The following ME3 variants were observed in gnomAD, a reference collection of about 807,000 sequenced individuals.
ME3 encodes NADP-dependent malic enzyme, mitochondrial.
Under a neutral mutation model 68.9 loss-of-function variants are expected in ME3, and 48 were observed. That is an observed-to-expected ratio of 0.70 (90% CI 0.55 to 0.89). The LOEUF (loss-of-function observed/expected upper bound fraction) is 0.89. Ranked by LOEUF, ME3 falls within the 40% of genes least tolerant of loss-of-function variation. The pLI is 0.00. For missense variants in ME3, 675 were observed against 797.4 expected (o/e 0.85, Z 1.85); for synonymous variants, 320 against 318.8 (o/e 1.00, Z -0.04).
intron 6 of ME3, among the ~76,000 whole-genome samples, chr11:86,491,718 G>A (rs1459524384): frequency 3.9e-5 from 6 of 152,190 alleles, no homozygotes; most frequent in Admixed American, 1.3e-4. Flanking sequence ...TTCTTCATAG[G>A]TGTTTAGAGG....
chr11:86,633,705 A>G (rs965505086), intron 2 of ME3, among the ~76,000 whole-genome samples: 2 of 152,208 alleles, frequency 1.3e-5, no homozygotes, highest in South Asian at 4.1e-4. Flanking sequence ...AGGGCAACAG[A>G]GGACCGTGCT....
chr11:86,528,315 G>A (rs1954925020), intron 4 of ME3, among the ~76,000 whole-genome samples: 1 of 152,130 alleles, frequency 6.6e-6, no homozygotes, highest in African/African-American at 2.4e-5. Flanking sequence ...ACTATCCTAA[G>A]TATATATGCA....
At chr11:86,612,342 T>C (rs1185646642) in intron 2 of ME3, among the ~76,000 whole-genome samples, 2 of 152,238 alleles carry the variant, frequency 1.3e-5, no homozygotes, top group Non-Finnish European at 2.9e-5. Context: ...TTCTATGTCT[T>C]TGCTATTGTA....
At chr11:86,668,822 G>T (rs945355888) in intron 2 of ME3, among the ~76,000 whole-genome samples, 1 of 152,102 alleles carries the variant, frequency 6.6e-6, no homozygotes, top group East Asian at 1.9e-4. Context: ...CACATTCCAA[G>T]AATTTAATGT....
At chr11:86,651,235 G>C (rs11518770) in intron 2 of ME3, among the ~76,000 whole-genome samples, 67,343 of 152,094 alleles carry the variant, frequency 0.44, 16,790 homozygotes, top group Non-Finnish European at 0.57. Flanking sequence ...CTGACAGCTT[G>C]GAAGACAGTA....
At chr11:86,447,582 A>G (rs1414729389) in intron 11 of ME3, among the ~76,000 whole-genome samples, 1 of 152,108 alleles carries the variant, frequency 6.6e-6, no homozygotes, top group African/African-American at 2.4e-5. Flanking sequence ...GTGGTGGCTC[A>G]TGCCTGCAAT....
At chr11:86,484,874 T>C (rs540775337) in intron 7 of ME3, among the ~76,000 whole-genome samples, 2 of 152,334 alleles carry the variant, frequency 1.3e-5, no homozygotes, top group Admixed American at 6.5e-5. Flanking sequence ...TCTCTGAGTC[T>C]CAGTTTTCTC....
At chr11:86,658,205 C>T (rs945981320) in intron 2 of ME3, among the ~76,000 whole-genome samples, 3 of 151,642 alleles carry the variant, frequency 2.0e-5, no homozygotes, top group African/African-American at 7.3e-5. Flanking sequence ...CGTACTGCAA[C>T]CTCCACCTCC....
rs971631573 is a variant in ME3, at chr11:86,637,178, G to A, written c.183+34584C>T. Among the ~76,000 whole-genome samples, 4 of 151,920 alleles carry A rather than the reference G, an allele frequency of 2.6e-5. No individual in the cohort carries two copies. In the East Asian group the frequency reaches 7.7e-4, roughly 29 times the overall value. ...TAATATCTATACACGTACATTCAGG[G>A]AGTCTCCATTAACTCATTCAGTTAA... is the stretch of plus-strand genomic sequence containing the variant. On this transcript the variant is annotated intron_variant, in intron 2 of 14. Transcript: ENST00000543262.
chr11:86,468,676 G>T (rs75762880), intron 7 of ME3, among the ~76,000 whole-genome samples: 4,160 of 152,210 alleles, frequency 0.027, 71 homozygotes, highest in Middle Eastern at 0.034. Context: ...ATAAAAAAAT[G>T]TTTCTCAATT....
intron 4 of ME3, among the ~76,000 whole-genome samples, chr11:86,511,869 G>C (rs1249932926): frequency 6.6e-6 from 1 of 151,998 alleles, no homozygotes; most frequent in Non-Finnish European, 1.5e-5. Flanking sequence ...CTGGCAACCA[G>C]CTGACCCCAC....
chr11:86,439,386 T>G (rs1159729196), downstream of ME3, among the ~76,000 whole-genome samples: 1 of 152,254 alleles, frequency 6.6e-6, no homozygotes, highest in Non-Finnish European at 1.5e-5. Context: ...AAATGTACTG[T>G]TTTCCAATAT....
intron 4 of ME3, among the ~76,000 whole-genome samples, chr11:86,547,179 A>G (rs1361367635): frequency 7.0e-6 from 1 of 141,906 alleles, no homozygotes; most frequent in Non-Finnish European, 1.5e-5. Flanking sequence ...CAGAGCTTGC[A>G]GTGAACCCAG....
intron 2 of ME3, among the ~76,000 whole-genome samples, chr11:86,653,617 G>C (rs1945634756): frequency 6.6e-6 from 1 of 152,202 alleles, no homozygotes; most frequent in Non-Finnish European, 1.5e-5. Context: ...GAAATTTATA[G>C]CACTAAATGC....
At chr11:86,444,152 T>C (rs1264898723) in intron 13 of ME3, among the ~76,000 whole-genome samples, 1 of 152,096 alleles carries the variant, frequency 6.6e-6, no homozygotes, top group Non-Finnish European at 1.5e-5. Flanking sequence ...CTGTCTACCA[T>C]GTATAGGAAA....
At chr11:86,648,830 A>G (rs1052419552) in intron 2 of ME3, among the ~76,000 whole-genome samples, 3 of 152,120 alleles carry the variant, frequency 2.0e-5, no homozygotes, top group Non-Finnish European at 4.4e-5. Flanking sequence ...AGTAATTAAT[A>G]GCCTACCAAC....
intron 8 of ME3, among the ~76,000 whole-genome samples, chr11:86,459,578 G>C (rs1594042932): frequency 6.6e-6 from 1 of 151,652 alleles, no homozygotes; most frequent in South Asian, 2.1e-4. Flanking sequence ...ACAGATGCTG[G>C]CCTTATAAAA....
chr11:86,565,765 G>T (rs200336765), intron 2 of ME3, among the ~76,000 whole-genome samples: 82 of 152,264 alleles, frequency 5.4e-4, no homozygotes, highest in African/African-American at 1.4e-3. Context: ...TCTGTGGCTT[G>T]TCTTTTCATT....
chr11:86,495,557 G>C (rs1473631188), intron 6 of ME3, among the ~76,000 whole-genome samples: 1 of 152,202 alleles, frequency 6.6e-6, no homozygotes, highest in African/African-American at 2.4e-5. Context: ...GGAGGTGTTG[G>C]AAAGGAAGAA....
Sources: allele counts gnomAD v4.1 joint callset (sites outside exome capture counted in the v4.1 genomes callset), GRCh38; gene constraint gnomAD v4.1.1; transcripts MANE v1.5; gene names NCBI Gene and HGNC (gene_info 2026-07-23, HGNC 2026-07-21).